PIBF1: variants seen among roughly 807,000 people sequenced by gnomAD.
PIBF1 encodes progesterone-induced-blocking factor 1.
In PIBF1, 90 loss-of-function variants were observed where a neutral mutation model predicts 112.5. The observed-to-expected ratio is 0.80, with a 90% confidence interval of 0.67 to 0.95. The LOEUF is 0.95. Ranked by LOEUF, PIBF1 falls within the 40% of genes least tolerant of loss-of-function variation. The pLI, the probability that PIBF1 is intolerant of heterozygous loss-of-function variation, is 0.00. For synonymous variants in PIBF1, 301 were observed against 288.6 expected (o/e 1.04, Z -0.44); for missense variants, 915 against 852.3 (o/e 1.07, Z -0.92).
At chr13:72,794,081 A>G (rs7981430) in intron 3 of PIBF1, among the ~76,000 whole-genome samples, 90,802 of 151,988 alleles carry the variant, frequency 0.6, 27,805 homozygotes, top group East Asian at 0.77. Context: ...AAGGAACCAC[A>G]GTAAAATAGA....
intron 17 of PIBF1, among the ~76,000 whole-genome samples, chr13:73,002,138 C>T (rs1283913789): frequency 6.6e-6 from 1 of 152,088 alleles, no homozygotes; most frequent in Non-Finnish European, 1.5e-5. Flanking sequence ...AACTGTATTC[C>T]TTTTGTTTTG....
At chr13:72,852,527 G>A (rs1369707129) in intron 9 of PIBF1, among the ~76,000 whole-genome samples, 4 of 152,140 alleles carry the variant, frequency 2.6e-5, no homozygotes, top group East Asian at 1.9e-4. Context: ...AGCTTGAGCC[G>A]AGTACAGCCT....
chr13:72,928,028 T>TATAC (rs1566458687), intron 13 of PIBF1, among the ~76,000 whole-genome samples: 1 of 58,870 alleles, frequency 1.7e-5, no homozygotes, highest in African/African-American at 5.1e-5. Flanking sequence ...TATATATACA[T>TATAC]ATATATATAT....
At chr13:72,866,098 G>A (rs1462336394) in intron 10 of PIBF1, among the ~76,000 whole-genome samples, 8 of 152,038 alleles carry the variant, frequency 5.3e-5, no homozygotes, top group East Asian at 3.9e-4. Context: ...GCTTGTAACC[G>A]TATCACTCTA....
intron 9 of PIBF1, among the ~76,000 whole-genome samples, chr13:72,846,542 A>G (rs538788127): frequency 2.4e-4 from 36 of 152,324 alleles, no homozygotes; most frequent in Admixed American, 1.3e-3. Flanking sequence ...AAATGATTAC[A>G]GTGGCCTGTG....
chr13:73,001,539 G>A (rs554293731), intron 17 of PIBF1, among the ~76,000 whole-genome samples: 1 of 145,454 alleles, frequency 6.9e-6, no homozygotes, highest in South Asian at 2.2e-4. Flanking sequence ...GTAATGGAGT[G>A]GGAGCAGTGC....
chr13:72,975,042 T>C (rs972866043), intron 16 of PIBF1, among the ~76,000 whole-genome samples: 11 of 150,936 alleles, frequency 7.3e-5, no homozygotes, highest in African/African-American at 2.7e-4. Flanking sequence ...GTTATTCTAA[T>C]AGAAAAAGAA....
rs71099771 is a variant in PIBF1, at chr13:72,949,300, C to CTTTTTTTTTTTTTTTTTTTTTT, written c.1834-15962_1834-15941dup. On this transcript the variant is annotated intron_variant, in intron 14 of 17. Coordinates refer to ENST00000326291, the MANE Select transcript of PIBF1 (RefSeq NM_006346.4). ...AACTACTACCTAGACAAATAGCTGT[C>CTTTTTTTTTTTTTTTTTTTTTT]TTTTTTTTTTTTTTTTTTTTTTTTT... 9.1e-5 allele frequency among the ~76,000 whole-genome samples: 5 copies of CTTTTTTTTTTTTTTTTTTTTTT among 54,980 alleles called. 1 individual carries two copies. Among genetic ancestry groups the CTTTTTTTTTTTTTTTTTTTTTT allele is most frequent in the African/African-American group, 1.4e-4 (2 of 13,996 alleles). 36.1% of individuals were successfully genotyped at this position (54,980 alleles called of 152,430 possible). A position where few individuals can be genotyped will look rare whatever the true frequency, so the allele number is the denominator to read the frequency against.
intron 5 of PIBF1, among the ~76,000 whole-genome samples, chr13:72,812,766 C>CCCT (rs1368426348): frequency 2.0e-5 from 3 of 151,330 alleles, no homozygotes; most frequent in Non-Finnish European, 4.4e-5. Flanking sequence ...CAGAATGAGA[C>CCCT]CCTGTCTCAA....
Position 72,854,091 on chromosome 13 carries a change from G to T in PIBF1, c.1258G>T (p.Glu420Ter). The stretch of plus-strand genomic sequence containing the variant: ...AGAAGCAAGGGATAATGCTGTGGCT[G>T]AAAAGGAACGAGCAGTGATGGCTGA... Reference protein sequence around the residue: ...LREARDNAVAEKERAVMAEKD... With the variant: ...LREARDNAVA The change falls in exon 10 of 18, where the codon GAA (glutamate) becomes TAA (stop). Residue 420 changes from glutamate (E) to a stop codon, truncating the protein, a stop_gained. Transcript: ENST00000326291. LOFTEE classifies it high-confidence loss of function. 1 of 1,613,426 alleles carries T rather than the reference G, an allele frequency of 6.2e-7. No individual in the cohort carries two copies. Among genetic ancestry groups the T allele is most frequent in the Non-Finnish European group, 8.5e-7 (1 of 1,179,430 alleles).
At chr13:72,871,128 G>C (rs571863673) in intron 10 of PIBF1, among the ~76,000 whole-genome samples, 24 of 152,190 alleles carry the variant, frequency 1.6e-4, no homozygotes, top group Non-Finnish European at 2.1e-4. Context: ...TGGGAAAATT[G>C]GTTTTAGAAA....
At chr13:72,856,985 G>A (rs554309501) in intron 10 of PIBF1, among the ~76,000 whole-genome samples, 21 of 152,132 alleles carry the variant, frequency 1.4e-4, no homozygotes, top group African/African-American at 3.9e-4. Context: ...TCAATTTTGG[G>A]GTAGTGTACA....
chr13:72,812,823 G>A (rs373430995), intron 5 of PIBF1, among the ~76,000 whole-genome samples: 8 of 151,696 alleles, frequency 5.3e-5, no homozygotes, highest in Admixed American at 1.3e-4. Flanking sequence ...GCCAGGTGTC[G>A]TGGCACACAT....
intron 9 of PIBF1, among the ~76,000 whole-genome samples, chr13:72,850,901 A>G (rs1006798484): frequency 1.3e-5 from 2 of 152,218 alleles, no homozygotes; most frequent in Non-Finnish European, 2.9e-5. Context: ...ATGCACTTCC[A>G]CTTAGTAACC....
chr13:73,001,562 G>C (rs1197142927), intron 17 of PIBF1, among the ~76,000 whole-genome samples: 1 of 104,782 alleles, frequency 9.5e-6, no homozygotes, highest in African/African-American at 3.2e-5. Context: ...TGACGCAGAG[G>C]AGGAGAAATA....
chr13:72,966,024 T>G (rs1458830194), intron 15 of PIBF1, among the ~76,000 whole-genome samples: 2 of 152,172 alleles, frequency 1.3e-5, no homozygotes, highest in African/African-American at 4.8e-5. Context: ...CAGTTTTACT[T>G]GTGGATAGAT....
intron 16 of PIBF1, among the ~76,000 whole-genome samples, chr13:72,980,465 A>G (rs928875557): frequency 5.9e-5 from 9 of 152,202 alleles, no homozygotes; most frequent in Non-Finnish European, 1.5e-5. Context: ...GGTCAGGCCA[A>G]AGAAAGATTT....
At chr13:72,961,320 C>T (rs1222012777) in intron 14 of PIBF1, among the ~76,000 whole-genome samples, 3 of 152,044 alleles carry the variant, frequency 2.0e-5, no homozygotes, top group African/African-American at 4.8e-5. Flanking sequence ...CTGTTCCCTG[C>T]TTCTTCAGCT....
chr13:72,920,801 A>T (rs1594199401), intron 13 of PIBF1, among the ~76,000 whole-genome samples: 1 of 152,162 alleles, frequency 6.6e-6, no homozygotes, highest in East Asian at 1.9e-4. Flanking sequence ...CCCATCTCTC[A>T]AAAAAAGAAA....
Sources: gnomAD v4.1 joint callset for allele counts (sites outside exome capture counted in the v4.1 genomes callset) on GRCh38, gnomAD v4.1.1 for gene constraint, MANE v1.5 for transcripts, NCBI Gene and HGNC (gene_info 2026-07-23, HGNC 2026-07-21) for gene names.